Variants in PRDM16 observed in about 807,000 individuals in gnomAD.
The protein encoded by PRDM16 is histone-lysine N-methyltransferase PRDM16.
PRDM16 carries 23 observed loss-of-function variants against 110.6 expected under a neutral mutation model. The observed-to-expected ratio is 0.21, with a 90% CI of 0.15 to 0.29. The LOEUF (loss-of-function observed/expected upper bound fraction) is 0.29, where lower values mean the gene tolerates loss of function less well. PRDM16 is among the 10% of genes least tolerant of loss of function. The pLI, the probability that PRDM16 is intolerant of heterozygous loss-of-function variation, is 1.00. For synonymous variants in PRDM16, 799 were observed against 781.8 expected, an observed-to-expected ratio of 1.02 and a Z score of -0.37; for missense variants, 1,615 against 1,794.3, an observed-to-expected ratio of 0.90 and a Z score of 1.81.
chr1:3,113,379 G>A (rs1642839023), intron 1 of PRDM16, among the ~76,000 whole-genome samples: 1 of 151,874 alleles, frequency 6.6e-6, no homozygotes, highest in South Asian at 2.1e-4. Context: ...GTCCCAGCCC[G>A]AGTGTGACTC....
intron 1 of PRDM16, among the ~76,000 whole-genome samples, chr1:3,089,512 C>T (rs571348135): frequency 6.6e-6 from 1 of 152,368 alleles, no homozygotes; most frequent in East Asian, 1.9e-4. Context: ...AGCCTTCCCA[C>T]GTGGGGAAAA....
At chr1:3,087,126 C>T (rs959784396) in intron 1 of PRDM16, among the ~76,000 whole-genome samples, 2 of 152,080 alleles carry the variant, frequency 1.3e-5, no homozygotes, top group African/African-American at 2.4e-5. Flanking sequence ...GAAGGGTTAA[C>T]GTGAGGATTC....
chr1:3,437,690 A>G lies in PRDM16; in HGVS notation c.*3879A>G, dbSNP rs56208032. 287 of 225,578 alleles carry G rather than the reference A, an allele frequency of 1.3e-3. No individual in the cohort carries two copies. Among genetic ancestry groups the G allele is most frequent in the Non-Finnish European group, 2.1e-3 (234 of 113,274 alleles). The allele number at this position is 225,578 out of a possible 1,614,324, so 14.0% of individuals were successfully genotyped here. On this transcript the variant is annotated 3_prime_UTR_variant, in exon 17 of 17. Coordinates refer to ENST00000270722, the MANE Select transcript of PRDM16 (RefSeq NM_022114.4). ...CTAGAAGAGTTCCTCTGCTCCTTCC[A>G]TTCCATTTTTGTGTTTGTTTTGTTC...
At chr1:3,277,316 T>A (rs1007593403) in intron 3 of PRDM16, among the ~76,000 whole-genome samples, 2 of 152,172 alleles carry the variant, frequency 1.3e-5, no homozygotes, top group Non-Finnish European at 2.9e-5. Context: ...GTCACACGCT[T>A]CACTCTCCCT....
intron 3 of PRDM16, among the ~76,000 whole-genome samples, chr1:3,295,886 G>A (rs1407419990): frequency 6.6e-6 from 1 of 152,128 alleles, no homozygotes; most frequent in African/African-American, 2.4e-5. Context: ...GTGAGAACTG[G>A]GGTAACTGGG....
At chr1:3,225,364 T>C (rs769447350) in intron 2 of PRDM16, among the ~76,000 whole-genome samples, 1 of 152,004 alleles carries the variant, frequency 6.6e-6, no homozygotes, top group Non-Finnish European at 1.5e-5. Context: ...GTTTCTGAAA[T>C]GTTTGCACCC....
intron 3 of PRDM16, among the ~76,000 whole-genome samples, chr1:3,332,532 G>T (rs1020558603): frequency 2.0e-5 from 3 of 151,982 alleles, no homozygotes; most frequent in African/African-American, 7.3e-5. Flanking sequence ...ATTCTAGATC[G>T]GTCTTATGCT....
chr1:3,122,197 C>T (rs1381551650), intron 1 of PRDM16, among the ~76,000 whole-genome samples: 3 of 152,230 alleles, frequency 2.0e-5, no homozygotes, highest in East Asian at 1.9e-4. Flanking sequence ...GCACTCCTCC[C>T]GGCCTCCCGT....
At chr1:3,421,789 C>T (rs1638436127) in intron 12 of PRDM16, among the ~76,000 whole-genome samples, 1 of 152,260 alleles carries the variant, frequency 6.6e-6, no homozygotes, top group African/African-American at 2.4e-5. Flanking sequence ...GGTGGACTTT[C>T]TGCAAAAGTC....
Position 3,127,558 on chromosome 1 carries a change from T to C in PRDM16, c.37+58262T>C, listed in dbSNP as rs1248099715. On this transcript the variant is annotated intron_variant, in intron 1 of 16. Transcript: ENST00000270722. ...TTTATCGAGCTCAAATGATTAGACC[T>C]GGTTTCTGGTTTCATTTTGGAAGAC... 2.6e-5 allele frequency among the ~76,000 whole-genome samples: 4 copies of C among 152,232 alleles called. No individual in the cohort carries two copies. In the East Asian group the frequency reaches 7.7e-4, roughly 29 times the overall value.
chr1:3,125,670 A>G (rs571671612), intron 1 of PRDM16, among the ~76,000 whole-genome samples: 1 of 152,342 alleles, frequency 6.6e-6, no homozygotes, highest in African/African-American at 2.4e-5. Flanking sequence ...AACATCCCTC[A>G]GTGGCTCTCC....
rs1304679246 is a variant in PRDM16 at position 3,334,187 on chromosome 1, AGT to A, written c.439-50962_439-50961del. Among the ~76,000 whole-genome samples, 5 of 152,188 alleles carry A rather than the reference AGT, an allele frequency of 3.3e-5. No individual in the cohort carries two copies. In the East Asian group the frequency reaches 9.6e-4, roughly 29 times the overall value. ...CAAAATAACCCAAACCCCGAGGACG[AGT>A]GTTTACCAGGCCTTGAGCTTTCAGG... On this transcript the variant is annotated intron_variant, in intron 3 of 16. Transcript: ENST00000270722.
chr1:3,093,805 A>C (rs1311189360), intron 1 of PRDM16, among the ~76,000 whole-genome samples: 1 of 152,126 alleles, frequency 6.6e-6, no homozygotes, highest in South Asian at 2.1e-4. Flanking sequence ...AGCAATGCCC[A>C]ATGTAGCCCA....
chr1:3,311,267 C>T (rs1157475461), intron 3 of PRDM16, among the ~76,000 whole-genome samples: 3 of 152,210 alleles, frequency 2.0e-5, no homozygotes, highest in East Asian at 3.8e-4. Flanking sequence ...GTTGTTGTTC[C>T]CGGTGGGCCT....
chr1:3,186,453 G>A lies in PRDM16; in HGVS notation c.366G>A (p.Lys122=), dbSNP rs763380749. The A allele has an allele frequency of 4.5e-6, 7 of 1,543,594 alleles. No individual in the cohort carries two copies. The highest frequency in any genetic ancestry group is 8.7e-7 in the Non-Finnish European group (1 of 1,146,454). ...PCVVVPRAAA[K]ETDFGWEQIL... is the part of the protein sequence containing the mutation. Reference sequence around the variant, plus strand: ...TGGTGGTGCCCCGGGCGGCGGCAAAGGAGACAGACTTCGGATGGGAGGTGA... The same window carrying A: ...TGGTGGTGCCCCGGGCGGCGGCAAAAGAGACAGACTTCGGATGGGAGGTGA... Residue 122 remains lysine, a synonymous_variant, in exon 2 of 17, where the codon AAG becomes AAA. Coordinates refer to ENST00000270722, the MANE Select transcript of PRDM16 (RefSeq NM_022114.4).
At position 3,288,812 on chromosome 1, in the gene PRDM16, C is replaced by A. The variant is rs529648446; in HGVS notation, c.438+44675C>A. Among the ~76,000 whole-genome samples the A allele has an allele frequency of 1.4e-4, 22 of 152,306 alleles. No homozygotes were observed. The South Asian group carries it at 4.3e-3, about 30-fold the overall frequency. On this transcript the variant is annotated intron_variant, in intron 3 of 16. Coordinates refer to ENST00000270722, the MANE Select transcript of PRDM16 (RefSeq NM_022114.4). Reference sequence around the variant, plus strand: ...AGGGAGCAGACATCCCTGGAAGGGGCAGGGGCCAAATGTCATGTGCAGGGT... The same window carrying A: ...AGGGAGCAGACATCCCTGGAAGGGGAAGGGGCCAAATGTCATGTGCAGGGT...
At chr1:3,073,470 G>A (rs1200887903) in intron 1 of PRDM16, among the ~76,000 whole-genome samples, 1 of 152,256 alleles carries the variant, frequency 6.6e-6, no homozygotes, top group Admixed American at 6.5e-5. Context: ...TCAAACCCGT[G>A]TAACGAGTCT....
In PRDM16 at chr1:3,255,177, A is replaced by C. The variant is rs1203571513; in HGVS notation, c.438+11040A>C. On this transcript the variant is annotated intron_variant, in intron 3 of 16. Coordinates refer to ENST00000270722, the MANE Select transcript of PRDM16 (RefSeq NM_022114.4). The surrounding 1 kb of genome is among the most constrained non-coding windows in gnomAD (Gnocchi z 4.7). ...TAATTCAAGATGGATTAAAGACTTAAACGTTAGACCTAAAACCATAAAAAC... is the reference window on the plus strand; with the variant it reads ...TAATTCAAGATGGATTAAAGACTTACACGTTAGACCTAAAACCATAAAAAC... Among the ~76,000 whole-genome samples, 1 of 152,084 alleles carries C rather than the reference A, an allele frequency of 6.6e-6. No homozygotes were observed. The highest frequency in any genetic ancestry group is 2.4e-5 in the African/African-American group (1 of 41,398).
chr1:3,271,244 G>A (rs150915422), intron 3 of PRDM16, among the ~76,000 whole-genome samples: 33 of 152,272 alleles, frequency 2.2e-4, no homozygotes, highest in Admixed American at 2.6e-4. Context: ...AAGCATTTCC[G>A]CCAATCAAGG....
Sources: allele counts gnomAD v4.1 joint callset (sites outside exome capture counted in the v4.1 genomes callset), GRCh38; gene constraint gnomAD v4.1.1; non-coding constraint Gnocchi (gnomAD v3.1); transcripts MANE v1.5; gene names NCBI Gene and HGNC (gene_info 2026-07-23, HGNC 2026-07-21).